Variants in TBX20 observed in about 807,000 individuals in gnomAD.
The protein encoded by TBX20 is T-box transcription factor TBX20.
In TBX20, 8 loss-of-function variants were observed where a neutral mutation model predicts 42.9. The ratio of observed to expected loss-of-function variants is 0.19; its 90% CI spans 0.11 to 0.34. The LOEUF (loss-of-function observed/expected upper bound fraction) is 0.34, where lower values mean the gene tolerates loss of function less well. TBX20 is among the 10% of genes least tolerant of loss of function. The pLI is 1.00. For missense variants in TBX20, 411 were observed against 566.0 expected (o/e 0.73, Z 2.78); for synonymous variants, 198 against 222.8 (o/e 0.89, Z 0.99).
At chr7:35,210,454 GTT>G (rs1481767559) in intron 6 of TBX20, among the ~76,000 whole-genome samples, 1 of 152,148 alleles carries the variant, frequency 6.6e-6, no homozygotes, top group Non-Finnish European at 1.5e-5. Context: ...ATTGGGTCAA[GTT>G]AGTTGATACT....
intron 5 of TBX20, among the ~76,000 whole-genome samples, chr7:35,239,504 T>A (rs2128714418): frequency 6.6e-6 from 1 of 152,320 alleles, no homozygotes; most frequent in South Asian, 2.1e-4. Context: ...TATTGAAGTG[T>A]ATGAAAAGGA....
intron 5 of TBX20, 91 bp downstream of exon 5, chr7:35,240,788 A>G (rs1790061075): frequency 8.4e-7 from 1 of 1,192,942 alleles, no homozygotes; most frequent in Admixed American, 1.8e-5. Flanking sequence ...ATCCATTTTG[A>G]GTACTGGGAT....
intron 6 of TBX20, among the ~76,000 whole-genome samples, chr7:35,229,737 G>A (rs920412030): frequency 2.0e-5 from 3 of 152,100 alleles, no homozygotes; most frequent in Non-Finnish European, 4.4e-5. Flanking sequence ...ATGAAACATA[G>A]AGTTACATGG....
chr7:35,235,023 A>G (rs1789936466), intron 5 of TBX20, among the ~76,000 whole-genome samples: 1 of 152,192 alleles, frequency 6.6e-6, no homozygotes, highest in African/African-American at 2.4e-5. Flanking sequence ...CTTTACCTCA[A>G]GAACAAGCAC....
intron 1 of TBX20, among the ~76,000 whole-genome samples, chr7:35,251,066 G>T (rs1363319412): frequency 6.6e-6 from 1 of 152,156 alleles, no homozygotes; most frequent in Non-Finnish European, 1.5e-5. Flanking sequence ...CCACCACCAG[G>T]TTGGAATACT....
chr7:35,204,727 T>C (rs1226003115), intron 6 of TBX20, 145 bp from the exon 7 acceptor site: 3 of 691,546 alleles, frequency 4.3e-6, no homozygotes, highest in African/African-American at 1.8e-5. Flanking sequence ...ATTCAAAACA[T>C]GTACATTTAT....
intron 3 of TBX20, among the ~76,000 whole-genome samples, chr7:35,246,178 A>T (rs531785122): frequency 3.3e-5 from 5 of 152,214 alleles, no homozygotes; most frequent in African/African-American, 4.8e-5. Flanking sequence ...TGAAACTTAC[A>T]AAGCCCACCA....
intron 6 of TBX20, among the ~76,000 whole-genome samples, chr7:35,219,892 G>A (rs1278431029): frequency 6.6e-6 from 1 of 152,162 alleles, no homozygotes; most frequent in Non-Finnish European, 1.5e-5. Context: ...ATCCCACTGG[G>A]CTTATGTCCA....
At chr7:35,219,688 T>C (rs1189427427) in intron 6 of TBX20, among the ~76,000 whole-genome samples, 4 of 152,256 alleles carry the variant, frequency 2.6e-5, no homozygotes, top group African/African-American at 9.6e-5. Flanking sequence ...TAAATTATTA[T>C]GAAAGATCCA....
intron 6 of TBX20, among the ~76,000 whole-genome samples, chr7:35,216,541 T>C (rs1789593536): frequency 6.6e-6 from 1 of 152,296 alleles, no homozygotes; most frequent in African/African-American, 2.4e-5. Flanking sequence ...ACATAAGTGC[T>C]CAATAAATGT....
intron 6 of TBX20, among the ~76,000 whole-genome samples, chr7:35,231,039 G>A (rs1194900375): frequency 6.6e-6 from 1 of 152,106 alleles, no homozygotes; most frequent in African/African-American, 2.4e-5. Flanking sequence ...AATATAAGCA[G>A]TCTACTACAT....
At chr7:35,208,972 G>A (rs1335433692) in intron 6 of TBX20, among the ~76,000 whole-genome samples, 2 of 151,992 alleles carry the variant, frequency 1.3e-5, no homozygotes, top group Non-Finnish European at 2.9e-5. Flanking sequence ...TGTGTCTGTT[G>A]AGACAATCAT....
At chr7:35,247,486 C>G (rs915154774) in intron 3 of TBX20, among the ~76,000 whole-genome samples, 6 of 152,044 alleles carry the variant, frequency 3.9e-5, no homozygotes, top group African/African-American at 1.4e-4. Flanking sequence ...ATGGAAAACT[C>G]TGAGAGATTG....
chr7:35,246,843 T>G (rs141932610), intron 3 of TBX20, among the ~76,000 whole-genome samples: 2 of 152,242 alleles, frequency 1.3e-5, no homozygotes, highest in African/African-American at 4.8e-5. Context: ...TTATCTATTT[T>G]TTATCCCATA....
intron 5 of TBX20, among the ~76,000 whole-genome samples, chr7:35,232,785 G>A (rs1448547798): frequency 6.6e-6 from 1 of 152,206 alleles, no homozygotes; most frequent in African/African-American, 2.4e-5. Context: ...AGCGCTTTGG[G>A]AGACCGAGGT....
chr7:35,230,074 C>T (rs920527780), intron 6 of TBX20, among the ~76,000 whole-genome samples: 1 of 152,078 alleles, frequency 6.6e-6, no homozygotes, highest in African/African-American at 2.4e-5. Flanking sequence ...TCACTATCAC[C>T]CCACTGCATC....
intron 6 of TBX20, among the ~76,000 whole-genome samples, chr7:35,217,075 T>C (rs1445238006): frequency 1.3e-5 from 2 of 152,156 alleles, no homozygotes; most frequent in Non-Finnish European, 2.9e-5. Context: ...AATTTTAATT[T>C]GAGAACTGAA....
chr7:35,223,529 C>A (rs765134131), intron 6 of TBX20, among the ~76,000 whole-genome samples: 1 of 152,064 alleles, frequency 6.6e-6, no homozygotes, highest in Admixed American at 6.6e-5. Flanking sequence ...GAAGGACACA[C>A]AGAAAGCATG....
intron 5 of TBX20, among the ~76,000 whole-genome samples, chr7:35,235,350 G>T (rs1232376583): frequency 6.7e-6 from 1 of 150,146 alleles, no homozygotes; most frequent in African/African-American, 2.4e-5. Context: ...TACAGACAGT[G>T]ATTTCAGGTG....
Sources: gnomAD v4.1 joint callset for allele counts (sites outside exome capture counted in the v4.1 genomes callset) on GRCh38, gnomAD v4.1.1 for gene constraint, MANE v1.5 for transcripts, NCBI Gene and HGNC (gene_info 2026-07-23, HGNC 2026-07-21) for gene names.